SLC10A7: variants seen among roughly 807,000 people sequenced by gnomAD.
The protein encoded by SLC10A7 is sodium/bile acid cotransporter 7.
A neutral mutation model predicts 43.2 loss-of-function variants in SLC10A7; 29 were observed. The ratio of observed to expected loss-of-function variants is 0.67; its 90% CI spans 0.50 to 0.92. The LOEUF (loss-of-function observed/expected upper bound fraction) is 0.92, where lower values mean the gene tolerates loss of function less well. Ranked by LOEUF, SLC10A7 falls within the 40% of genes least tolerant of loss-of-function variation. The probability of loss-of-function intolerance (pLI) is 0.00; values close to 1 mark genes in which losing one functional copy is unlikely to be tolerated. For missense variants in SLC10A7, 295 were observed against 403.2 expected, an observed-to-expected ratio of 0.73 and a Z score of 2.30; for synonymous variants, 152 against 144.8, an observed-to-expected ratio of 1.05 and a Z score of -0.35.
intron 5 of SLC10A7, among the ~76,000 whole-genome samples, chr4:146,332,056 G>C (rs1335447208): frequency 6.6e-6 from 1 of 152,178 alleles, no homozygotes; most frequent in Non-Finnish European, 1.5e-5. Flanking sequence ...GGGAAGGGTA[G>C]TTAGAAAGAA....
At chr4:146,442,598 G>GT in intron 5 of SLC10A7, 185 bp downstream of exon 5, 1 of 1,438,392 alleles carries the variant, frequency 7.0e-7, no homozygotes, top group Non-Finnish European at 9.1e-7. Flanking sequence ...AAAATATATT[G>GT]TAAGAGAACA....
intron 4 of SLC10A7, among the ~76,000 whole-genome samples, chr4:146,463,105 A>G (rs1339098513): frequency 6.6e-6 from 1 of 152,224 alleles, no homozygotes; most frequent in Non-Finnish European, 1.5e-5. Flanking sequence ...ATAAAGAAAT[A>G]CAGCAACTTT....
chr4:146,287,105 A>AGTCTGGAGTGGTGAGAAGGACCGT (rs70956901), intron 9 of SLC10A7, among the ~76,000 whole-genome samples: 11,256 of 62,950 alleles, frequency 0.18, 2,011 homozygotes, highest in Admixed American at 0.25. Context: ...AGAAGGACCG[A>AGTCTGGAGTGGTGAGAAGGACCGT]GTCTGGAGTG....
In SLC10A7 at chr4:146,362,834, C is replaced by T. The variant is rs1045851274; in HGVS notation, c.436-36838G>A. Among the ~76,000 whole-genome samples, 4 of 150,650 alleles carry T rather than the reference C, an allele frequency of 2.7e-5. No homozygotes were observed. In the South Asian group the frequency reaches 8.4e-4, roughly 32 times the overall value. On this transcript the variant is annotated intron_variant, in intron 5 of 11. Transcript: ENST00000335472. ...TAAGATGTTATTTGCAAGCCTCATGCTAAACACAAAGCAAAAATCTATAAC... is the reference window on the plus strand; with the variant it reads ...TAAGATGTTATTTGCAAGCCTCATGTTAAACACAAAGCAAAAATCTATAAC...
chr4:146,507,505 G>A (rs576288678), intron 3 of SLC10A7, among the ~76,000 whole-genome samples: 15 of 152,250 alleles, frequency 9.9e-5, no homozygotes, highest in African/African-American at 3.4e-4. Context: ...AGGTTGCAGT[G>A]AGCTGAGATT....
intron 5 of SLC10A7, among the ~76,000 whole-genome samples, chr4:146,391,764 A>C (rs1272641241): frequency 1.3e-5 from 2 of 152,236 alleles, no homozygotes; most frequent in Non-Finnish European, 2.9e-5. Flanking sequence ...GGTATACTGC[A>C]CTGAGAAGGC....
At chr4:146,449,112 C>T (rs2149906980) in intron 4 of SLC10A7, among the ~76,000 whole-genome samples, 1 of 152,292 alleles carries the variant, frequency 6.6e-6, no homozygotes, top group South Asian at 2.1e-4. Flanking sequence ...TGGGCCACCA[C>T]AGGAGCATCG....
chr4:146,462,233 T>C (rs1732605294), intron 4 of SLC10A7, among the ~76,000 whole-genome samples: 1 of 152,130 alleles, frequency 6.6e-6, no homozygotes. Flanking sequence ...CAAATATTTA[T>C]ATGGGGAAGA....
At chr4:146,374,834 T>C (rs1737070337) in intron 5 of SLC10A7, among the ~76,000 whole-genome samples, 1 of 152,146 alleles carries the variant, frequency 6.6e-6, no homozygotes. Context: ...ATACATTGGA[T>C]GTAAAAAGTA....
Position 146,258,777 on chromosome 4 carries a change from G to A in SLC10A7, c.908C>T (p.Pro303Leu). The change falls in exon 11 of 12, where the codon CCC becomes CTC. Residue 303 changes from proline (P) to leucine (L), a missense_variant. Around this residue, in one of 2 missense-constraint regions of SLC10A7, gnomAD observed 242 missense variants for 362.5 expected, o/e 0.67. Coordinates refer to ENST00000335472, the MANE Select transcript of SLC10A7 (RefSeq NM_001029998.6). ...GHEHLSLISVPLLIYHPAQIL... is the reference protein window; with the variant it reads ...GHEHLSLISVLLLIYHPAQIL... ...CTGAGCTGGGTGGTAGATGAGCAAG[G>A]GTACAGATATTAAAGAGAGATGCTC... 11 of 1,609,850 alleles carry A rather than the reference G, an allele frequency of 6.8e-6. No homozygotes were observed. The highest frequency in any genetic ancestry group is 8.5e-6 in the Non-Finnish European group (10 of 1,179,032).
intron 5 of SLC10A7, among the ~76,000 whole-genome samples, chr4:146,374,042 G>C (rs1736983381): frequency 6.6e-6 from 1 of 152,196 alleles, no homozygotes. Flanking sequence ...TTCCTCCTAG[G>C]AAAATGGGCA....
intron 5 of SLC10A7, among the ~76,000 whole-genome samples, chr4:146,366,997 T>C: frequency 6.6e-6 from 1 of 150,874 alleles, no homozygotes; most frequent in South Asian, 2.2e-4. Flanking sequence ...AGCAAGTTTT[T>C]TGTTTTTTTG....
chr4:146,496,990 G>A (rs974507232), intron 4 of SLC10A7, among the ~76,000 whole-genome samples: 3 of 152,236 alleles, frequency 2.0e-5, no homozygotes, highest in African/African-American at 4.8e-5. Flanking sequence ...GGACATAGAA[G>A]TGCATATTGT....
intron 4 of SLC10A7, among the ~76,000 whole-genome samples, chr4:146,498,058 TTCTGA>T (rs1409077077): frequency 6.6e-6 from 1 of 152,058 alleles, no homozygotes; most frequent in Non-Finnish European, 1.5e-5. Flanking sequence ...ATATAAAACA[TTCTGA>T]TCTATCTTCT....
chr4:146,519,904 G>A (rs1047074712), intron 1 of SLC10A7, among the ~76,000 whole-genome samples: 1 of 152,044 alleles, frequency 6.6e-6, no homozygotes, highest in Non-Finnish European at 1.5e-5. Flanking sequence ...AAAGACAGAA[G>A]GACTAGTGGA....
At chr4:146,362,277 A>G (rs978106652) in intron 5 of SLC10A7, among the ~76,000 whole-genome samples, 5 of 152,248 alleles carry the variant, frequency 3.3e-5, no homozygotes, top group African/African-American at 9.6e-5. Flanking sequence ...TTGACCCTAA[A>G]TAAGACTACT....
At chr4:146,334,253 T>C (rs1733730023) in intron 5 of SLC10A7, among the ~76,000 whole-genome samples, 1 of 152,052 alleles carries the variant, frequency 6.6e-6, no homozygotes, top group Non-Finnish European at 1.5e-5. Context: ...GTCTGGACAG[T>C]GAAAACAGCT....
At chr4:146,303,147 C>A (rs4835293) in intron 7 of SLC10A7, among the ~76,000 whole-genome samples, 1 of 151,910 alleles carries the variant, frequency 6.6e-6, no homozygotes, top group East Asian at 1.9e-4. Flanking sequence ...CTTAAGGCAG[C>A]ACAACTCTGA....
chr4:146,256,750 T>G, intron 11 of SLC10A7: 1 of 1,214,256 alleles, frequency 8.2e-7, no homozygotes, highest in Non-Finnish European at 1.2e-6. Flanking sequence ...ACTCGTATGG[T>G]TCCCCTGTGC....
Sources: gnomAD v4.1 joint callset for allele counts (sites outside exome capture counted in the v4.1 genomes callset) on GRCh38, gnomAD v4.1.1 for gene constraint, gnomAD v4.1.1 regional missense constraint, MANE v1.5 for transcripts, NCBI Gene and HGNC (gene_info 2026-07-23, HGNC 2026-07-21) for gene names.